Variants in SLC9A9 observed in about 807,000 individuals in gnomAD.
SLC9A9 encodes sodium/hydrogen exchanger 9.
A neutral mutation model predicts 77.8 loss-of-function variants in SLC9A9; 62 were observed. The ratio of observed to expected loss-of-function variants is 0.80; its 90% CI spans 0.65 to 0.98. The LOEUF is 0.98. SLC9A9 is among the 50% of genes least tolerant of loss of function. SLC9A9 has a pLI of 0.00. For synonymous variants in SLC9A9, 320 were observed against 283.5 expected (o/e 1.13, Z -1.29); for missense variants, 775 against 774.9 (o/e 1.00, Z 0.00).
chr3:143,574,151 T>G lies in SLC9A9; in HGVS notation c.937A>C (p.Thr313Pro). 6.2e-7 allele frequency: 1 copy of G among 1,613,462 alleles called. No individual in the cohort carries two copies. Among genetic ancestry groups the G allele is most frequent in the Non-Finnish European group, 8.5e-7 (1 of 1,179,604 alleles). The change falls in exon 8 of 16, where the codon ACC becomes CCC. Residue 313 changes from threonine (T) to proline (P), a missense_variant. Transcript: ENST00000316549. ...CAAGAAAGCAGGAAAAACAGGCCGG[T>G]TTCCAGCATCGGGAACTCACACAGC... ...TKLCEFPMLETGLFFLLSWSA... is the reference protein window; with the variant it reads ...TKLCEFPMLEPGLFFLLSWSA...
At chr3:143,458,645 T>C (rs2108562355) in intron 12 of SLC9A9, among the ~76,000 whole-genome samples, 1 of 152,242 alleles carries the variant, frequency 6.6e-6, no homozygotes, top group South Asian at 2.1e-4. Flanking sequence ...TATAATTTTT[T>C]ACAATACATT....
At chr3:143,817,523 A>T (rs896592649) in intron 2 of SLC9A9, among the ~76,000 whole-genome samples, 5 of 152,214 alleles carry the variant, frequency 3.3e-5, no homozygotes, top group Admixed American at 3.3e-4. Flanking sequence ...ATCTTTAAAA[A>T]ATATTTTCCT....
At chr3:143,811,355 A>T (rs944499471) in intron 2 of SLC9A9, among the ~76,000 whole-genome samples, 4 of 152,170 alleles carry the variant, frequency 2.6e-5, no homozygotes, top group African/African-American at 9.7e-5. Context: ...AGAAAAAAGA[A>T]TACTCTCAGA....
chr3:143,744,018 G>C (rs1465007692), intron 4 of SLC9A9, among the ~76,000 whole-genome samples: 1 of 152,132 alleles, frequency 6.6e-6, no homozygotes, highest in Non-Finnish European at 1.5e-5. Context: ...ATGATTCTAT[G>C]GATGCAGGTG....
chr3:143,306,666 C>T (rs969652334), intron 14 of SLC9A9, among the ~76,000 whole-genome samples: 3 of 152,298 alleles, frequency 2.0e-5, no homozygotes, highest in South Asian at 4.1e-4. Flanking sequence ...AGCAGCACCT[C>T]CTGCTTGGAA....
At chr3:143,762,195 G>T (rs1307127641) in intron 4 of SLC9A9, among the ~76,000 whole-genome samples, 1 of 152,066 alleles carries the variant, frequency 6.6e-6, no homozygotes, top group South Asian at 2.1e-4. Flanking sequence ...CTGTCGTGGG[G>T]TTGGGGGAGG....
At chr3:143,499,940 A>C (rs2035899765) in intron 9 of SLC9A9, among the ~76,000 whole-genome samples, 1 of 152,204 alleles carries the variant, frequency 6.6e-6, no homozygotes, top group South Asian at 2.1e-4. Context: ...TGGTCATTAT[A>C]TATTAACCTT....
intron 12 of SLC9A9, among the ~76,000 whole-genome samples, chr3:143,424,309 C>G (rs909717903): frequency 6.6e-6 from 1 of 151,442 alleles, no homozygotes; most frequent in Non-Finnish European, 1.5e-5. Flanking sequence ...CTCTGTCACC[C>G]AGGCTGGAGT....
At chr3:143,481,862 C>A (rs2035580350) in intron 11 of SLC9A9, among the ~76,000 whole-genome samples, 1 of 152,178 alleles carries the variant, frequency 6.6e-6, no homozygotes, top group South Asian at 2.1e-4. Flanking sequence ...TAGTCATAGA[C>A]ATGGATTCTT....
At chr3:143,795,917 G>A (rs1396768185) in intron 3 of SLC9A9, among the ~76,000 whole-genome samples, 2 of 151,970 alleles carry the variant, frequency 1.3e-5, no homozygotes, top group Admixed American at 1.3e-4. Flanking sequence ...TGGGATCTGA[G>A]GAGCCAGACC....
At chr3:143,722,100 C>A (rs1270987594) in intron 4 of SLC9A9, among the ~76,000 whole-genome samples, 1 of 152,136 alleles carries the variant, frequency 6.6e-6, no homozygotes, top group Non-Finnish European at 1.5e-5. Context: ...AGAAGTGTAT[C>A]AAACTGCAAT....
chr3:143,591,453 T>C (rs528406753), intron 6 of SLC9A9, among the ~76,000 whole-genome samples: 4 of 152,384 alleles, frequency 2.6e-5, no homozygotes, highest in Admixed American at 2.6e-4. Context: ...TTAACTTATA[T>C]GTTTCTAGGC....
chr3:143,654,357 T>C (rs929258219), intron 5 of SLC9A9, among the ~76,000 whole-genome samples: 2 of 152,270 alleles, frequency 1.3e-5, no homozygotes, highest in African/African-American at 4.8e-5. Flanking sequence ...GATCCCATTT[T>C]ATCAGGCATA....
intron 1 of SLC9A9, among the ~76,000 whole-genome samples, chr3:143,846,986 T>C (rs1325915295): frequency 6.6e-6 from 1 of 152,146 alleles, no homozygotes; most frequent in African/African-American, 2.4e-5. Flanking sequence ...TGGATCAGCA[T>C]ATCAGCCTCC....
At chr3:143,686,984 A>G (rs924398592) in intron 5 of SLC9A9, among the ~76,000 whole-genome samples, 1 of 151,940 alleles carries the variant, frequency 6.6e-6, no homozygotes, top group Non-Finnish European at 1.5e-5. Flanking sequence ...CTGTCCTGCC[A>G]TTTTCCATAT....
At chr3:143,502,125 A>G (rs1350825436) in intron 9 of SLC9A9, among the ~76,000 whole-genome samples, 1 of 151,198 alleles carries the variant, frequency 6.6e-6, no homozygotes, top group Non-Finnish European at 1.5e-5. Context: ...ACTCAGGGTC[A>G]GTAAAAAATA....
chr3:143,534,286 C>A (rs72999717), intron 9 of SLC9A9, among the ~76,000 whole-genome samples: 2,264 of 152,116 alleles, frequency 0.015, 55 homozygotes, highest in African/African-American at 0.052. Flanking sequence ...TAACTTCTAC[C>A]CAGCAAAGCT....
At chr3:143,704,582 C>T (rs1348285348) in intron 4 of SLC9A9, among the ~76,000 whole-genome samples, 4 of 152,092 alleles carry the variant, frequency 2.6e-5, no homozygotes, top group Non-Finnish European at 5.9e-5. Context: ...GGAATATATA[C>T]AAATGAAAGA....
intron 12 of SLC9A9, among the ~76,000 whole-genome samples, chr3:143,442,688 G>T (rs887476415): frequency 1.3e-5 from 2 of 152,182 alleles, no homozygotes; most frequent in African/African-American, 2.4e-5. Context: ...TTGTGCTACC[G>T]CACTCCAGCC....
Sources: allele counts gnomAD v4.1 joint callset (sites outside exome capture counted in the v4.1 genomes callset), GRCh38; gene constraint gnomAD v4.1.1; transcripts MANE v1.5; gene names NCBI Gene and HGNC (gene_info 2026-07-23, HGNC 2026-07-21).